TDRD6: variants seen among roughly 807,000 people sequenced by gnomAD.
TDRD6 encodes the protein tudor domain containing 6, also known as tudor domain-containing protein 6.
TDRD6 carries 186 observed loss-of-function variants against 157.5 expected under a neutral mutation model. The observed-to-expected ratio is 1.18, with a 90% CI of 1.05 to 1.33. The LOEUF (loss-of-function observed/expected upper bound fraction) is 1.33, where lower values mean the gene tolerates loss of function less well. Ranked by LOEUF, TDRD6 falls within the 40% of genes most tolerant of loss-of-function variation. The pLI, the probability that TDRD6 is intolerant of heterozygous loss-of-function variation, is 0.00. For missense variants in TDRD6, 3,066 were observed against 2,508.0 expected, an observed-to-expected ratio of 1.22 and a Z score of -4.75; for synonymous variants, 1,075 against 945.2, an observed-to-expected ratio of 1.14 and a Z score of -2.52.
In TDRD6 at chr6:46,702,932, A is replaced by G. The variant is rs1299871817; in HGVS notation, c.*1045A>G. The G allele has an allele frequency of 6.6e-6, 1 of 152,238 alleles. No homozygotes were observed. Among genetic ancestry groups the G allele is most frequent in the Non-Finnish European group, 1.5e-5 (1 of 67,952 alleles). 9.4% of individuals were successfully genotyped at this position (152,238 alleles called of 1,614,324 possible). A position where few individuals can be genotyped will look rare whatever the true frequency, so the allele number is the denominator to read the frequency against. On this transcript the variant is annotated 3_prime_UTR_variant, in exon 4 of 4. Transcript: ENST00000316081. ...TTTTAAGATGAGAAATAATTGATAT[A>G]AAGTCCCTGAAAAGGAGTAGGCATT... is the stretch of plus-strand genomic sequence containing the variant.
chr6:46,696,277 C>G (rs745677522), intron 2 of TDRD6, among the ~76,000 whole-genome samples: 4 of 151,492 alleles, frequency 2.6e-5, no homozygotes, highest in Non-Finnish European at 4.4e-5. Context: ...CATTAATAAC[C>G]TTCTATTTTG....
chr6:46,692,098 C>T lies in TDRD6; in HGVS notation c.3970C>T (p.Leu1324=). Residue 1324 remains leucine (L), a synonymous_variant, in exon 1 of 4, where the codon CTA becomes TTA. Transcript: ENST00000316081. The part of the protein sequence containing the change: ...INDLSDFYVQ[L]IEDEAEISHL... Reference sequence around the variant, plus strand: ...TGACCTTTCAGACTTTTATGTTCAACTAATAGAAGATGAAGCTGAAATTAG... The same window carrying T: ...TGACCTTTCAGACTTTTATGTTCAATTAATAGAAGATGAAGCTGAAATTAG... 6.2e-7 allele frequency: 1 copy of T among 1,613,120 alleles called. No homozygotes were observed. Among genetic ancestry groups the T allele is most frequent in the Non-Finnish European group, 8.5e-7 (1 of 1,179,546 alleles).
Position 46,702,546 on chromosome 6 carries a change from A to T in TDRD6, c.*659A>T, listed in dbSNP as rs1764649663. Reference sequence around the variant, plus strand: ...TAATATTAAATGTTAGCTCTTATGTATTAGTCACTTAGCTTATACTTTAAA... The same window carrying T: ...TAATATTAAATGTTAGCTCTTATGTTTTAGTCACTTAGCTTATACTTTAAA... On this transcript the variant is annotated 3_prime_UTR_variant, in exon 4 of 4. Transcript: ENST00000316081. 1 of 152,156 alleles carries T rather than the reference A, an allele frequency of 6.6e-6. No individual in the cohort carries two copies. The highest frequency in any genetic ancestry group is 2.1e-4 in the South Asian group (1 of 4,832). The allele number at this position is 152,156 out of a possible 1,614,324, so 9.4% of individuals were successfully genotyped here.
rs201878062 is a variant in TDRD6, at chr6:46,689,488, G to T, written c.1360G>T (p.Glu454Ter). ...AGTCCTTCAGAGCCAGGCAACAGAGGAGGAGGAACCAGAAACATCTCAGTC... is the reference window on the plus strand; with the variant it reads ...AGTCCTTCAGAGCCAGGCAACAGAGTAGGAGGAACCAGAAACATCTCAGTC... ...DRVLQSQATE[E>*]EEPETSQSQS... Residue 454 changes from glutamate (E) to a stop codon, truncating the protein, a stop_gained, in exon 1 of 4, where the codon GAG becomes TAG. Transcript: ENST00000316081. LOFTEE classifies it high-confidence loss of function. 3 of 1,613,674 alleles carry T rather than the reference G, an allele frequency of 1.9e-6. No homozygotes were observed. Among genetic ancestry groups the T allele is most frequent in the Non-Finnish European group, 2.5e-6 (3 of 1,180,042 alleles).
Position 46,691,520 on chromosome 6 carries a change from A to G in TDRD6, c.3392A>G (p.Lys1131Arg), listed in dbSNP as rs747582904. Residue 1131 changes from lysine to arginine, a missense_variant, in exon 1 of 4, where the codon AAA becomes AGA. Physicochemically the swap from Lys to Arg is conservative, Grantham distance 26. Coordinates refer to ENST00000316081, the MANE Select transcript of TDRD6 (RefSeq NM_001010870.3). ...TCATTGAAGGCTTTAGTTGTAGCAA[A>G]AGATCCAGATGGAACACTGATTATA... ...DKSLKALVVA[K>R]DPDGTLIIEL... 1 of 1,614,050 alleles carries G rather than the reference A, an allele frequency of 6.2e-7. No individual in the cohort carries two copies. Among genetic ancestry groups the G allele is most frequent in the East Asian group, 2.2e-5 (1 of 44,852 alleles).
chr6:46,691,395 A>G lies in TDRD6; in HGVS notation c.3267A>G (p.Leu1089=). Residue 1089 remains leucine (L), a synonymous_variant, in exon 1 of 4, where the codon TTA becomes TTG. Transcript: ENST00000316081. ...TACCTAGTGATGCATATGATGTCTTACTTTTGCCCATGCAAGCTGTCAGAT... is the reference window on the plus strand; with the variant it reads ...TACCTAGTGATGCATATGATGTCTTGCTTTTGCCCATGCAAGCTGTCAGAT... ...LPIPSDAYDV[L]LLPMQAVRCS... 1 of 1,614,084 alleles carries G rather than the reference A, an allele frequency of 6.2e-7. No homozygotes were observed. Among genetic ancestry groups the G allele is most frequent in the Non-Finnish European group, 8.5e-7 (1 of 1,179,956 alleles).
Position 46,701,889 on chromosome 6 carries a change from C to T in TDRD6, c.*2C>T, listed in dbSNP as rs778116005. 8.1e-6 allele frequency: 13 copies of T among 1,612,108 alleles called. No homozygotes were observed. In the African/African-American group the frequency reaches 1.1e-4, roughly 13 times the overall value. On this transcript the variant is annotated 3_prime_UTR_variant, in exon 4 of 4. Transcript: ENST00000316081. ...GGTTTGGAGGTGATGGAGATTTAAC[C>T]GTGGATCTATAGCTGTGGCCAATCA...
chr6:46,681,735 T>C, the TDRD6 span, among the ~76,000 whole-genome samples: 1 of 152,208 alleles, frequency 6.6e-6, no homozygotes, highest in Non-Finnish European at 1.5e-5. Flanking sequence ...CCTGATATAG[T>C]TCTGAGTTAA....
chr6:46,696,551 ATGTGTGTGTGTG>A (rs1213900777), intron 2 of TDRD6, among the ~76,000 whole-genome samples: 7 of 47,656 alleles, frequency 1.5e-4, no homozygotes, highest in African/African-American at 6.5e-4. Context: ...ATATGTATAT[ATGTGTGTGTGTG>A]TGTGTGTGTG....
In TDRD6 at chr6:46,693,982, C is replaced by A. The variant is rs138138658; in HGVS notation, c.5854C>A (p.Gln1952Lys). ...KSSCVESFDD[Q>K]RRMSLHLHGA... ...AAGTTGTGTAGAATCTTTTGATGAC[C>A]AGCGCAGGATGTCATTGCATCTACA... The change falls in exon 1 of 4, where the codon CAG becomes AAG. Residue 1952 changes from glutamine to lysine, a missense_variant. Physicochemically the swap from Gln to Lys is moderately conservative, Grantham distance 53 (BLOSUM62 1). Transcript: ENST00000316081. 3.3e-5 allele frequency: 54 copies of A among 1,613,538 alleles called. No individual in the cohort carries two copies. Among genetic ancestry groups the A allele is most frequent in the Non-Finnish European group, 4.4e-5 (52 of 1,179,872 alleles).
In TDRD6 at chr6:46,703,414, G is replaced by A. The variant is rs965658828; in HGVS notation, c.*1527G>A. The A allele has an allele frequency of 6.6e-6, 1 of 152,074 alleles. No individual in the cohort carries two copies. Among genetic ancestry groups the A allele is most frequent in the Non-Finnish European group, 1.5e-5 (1 of 67,956 alleles). The allele number at this position is 152,074 out of a possible 1,614,324, so 9.4% of individuals were successfully genotyped here. A position where few individuals can be genotyped will look rare whatever the true frequency, so the allele number is the denominator to read the frequency against. On this transcript the variant is annotated 3_prime_UTR_variant, in exon 4 of 4. Coordinates refer to ENST00000316081, the MANE Select transcript of TDRD6 (RefSeq NM_001010870.3). Reference sequence around the variant, plus strand: ...GATAATATAATGTGAATTGCCAGAAGCAAAGCTCAGAGAAGATGCATTAGG... The same window carrying A: ...GATAATATAATGTGAATTGCCAGAAACAAAGCTCAGAGAAGATGCATTAGG...
intron 2 of TDRD6, 71 bp from the exon 3 acceptor site, chr6:46,697,927 A>T: frequency 1.3e-6 from 1 of 798,696 alleles, no homozygotes; most frequent in African/African-American, 1.7e-5. Context: ...TTTTTAAAAT[A>T]ATTGCTCTGG....
rs1764656858 is a variant in TDRD6, at chr6:46,702,870, G to A, written c.*983G>A. ...ATATTTTGAACTTTGATCTTCATCT[G>A]TAAAGTGGTGATAATAAAACCTTTC... On this transcript the variant is annotated 3_prime_UTR_variant, in exon 4 of 4. Transcript: ENST00000316081. The A allele has an allele frequency of 6.6e-6, 1 of 152,048 alleles. No individual in the cohort carries two copies. Among genetic ancestry groups the A allele is most frequent in the African/African-American group, 2.4e-5 (1 of 41,424 alleles). The allele number at this position is 152,048 out of a possible 1,614,324, so 9.4% of individuals were successfully genotyped here. A position where few individuals can be genotyped will look rare whatever the true frequency, so the allele number is the denominator to read the frequency against.
At position 46,689,847 on chromosome 6, in the gene TDRD6, C is replaced by A; in HGVS notation, c.1719C>A (p.Gly573=). The change falls in exon 1 of 4, where the codon GGC becomes GGA. Residue 573 remains glycine, a synonymous_variant. Transcript: ENST00000316081. ...TGGATGTATTCTTAGTTGACCGAGG[C>A]AATTCGGAAAATGTGGACTGGTATG... ...KSVDVFLVDR[G]NSENVDWYDV... 6.2e-7 allele frequency: 1 copy of A among 1,614,138 alleles called. No individual in the cohort carries two copies. The highest frequency in any genetic ancestry group is 8.5e-7 in the Non-Finnish European group (1 of 1,180,036).
chr6:46,691,817 T>G lies in TDRD6; in HGVS notation c.3689T>G (p.Leu1230Ter). The change falls in exon 1 of 4, where the codon TTA becomes TGA. Residue 1230 changes from leucine (L) to a stop codon, truncating the protein, a stop_gained. Coordinates refer to ENST00000316081, the MANE Select transcript of TDRD6 (RefSeq NM_001010870.3). LOFTEE classifies it high-confidence loss of function. Reference protein sequence around the residue: ...SYKELKLLQSLTKTNLVTQYQ... With the variant: ...SYKELKLLQS ...AAGGAACTCAAACTTTTACAAAGTT[T>G]AACAAAAACAAACTTAGTCACTCAA... is the stretch of plus-strand genomic sequence containing the variant. The G allele has an allele frequency of 6.2e-7, 1 of 1,603,122 alleles. No homozygotes were observed.
chr6:46,690,599 T>G lies in TDRD6; in HGVS notation c.2471T>G (p.Leu824Trp), dbSNP rs1195687604. 6.2e-7 allele frequency: 1 copy of G among 1,614,214 alleles called. No homozygotes were observed. The highest frequency in any genetic ancestry group is 1.1e-5 in the South Asian group (1 of 91,078). The change falls in exon 1 of 4, where the codon TTG (leucine) becomes TGG (tryptophan). Residue 824 changes from leucine to tryptophan, a missense_variant. Physicochemically the swap from Leu to Trp is moderately conservative, Grantham distance 61 (BLOSUM62 -2). Transcript: ENST00000316081. ...APHQRNTLAC[L>W]AKRTVNRQWS... ...CACCAGAGAAACACCCTTGCTTGTT[T>G]GGCTAAGCGAACAGTAAACAGACAG...
chr6:46,701,765 A>G (rs992363981), intron 3 of TDRD6, 93 bp from the exon 4 acceptor site: 1 of 1,249,324 alleles, frequency 8.0e-7, no homozygotes, highest in Non-Finnish European at 1.2e-6. Context: ...CCTTTTAGAG[A>G]ACATTACATT....
At chr6:46,697,903 A>G in intron 2 of TDRD6, 95 bp from the exon 3 acceptor site, 1 of 604,640 alleles carries the variant, frequency 1.7e-6, no homozygotes, top group South Asian at 3.1e-5. Flanking sequence ...AATAATAATA[A>G]TAATAGTATT....
chr6:46,687,993 G>T lies in TDRD6; in HGVS notation c.-136G>T, dbSNP rs759233389. The stretch of plus-strand genomic sequence containing the variant: ...GGGGGAGTTGCCGAGAAAAGGCCTC[G>T]CCGGCATTCTTCCCCTCCACTGGGT... On this transcript the variant is annotated 5_prime_UTR_variant, in exon 1 of 4. Transcript: ENST00000316081. 13 of 1,316,794 alleles carry T rather than the reference G, an allele frequency of 9.9e-6. No individual in the cohort carries two copies. Among genetic ancestry groups the T allele is most frequent in the Non-Finnish European group, 1.3e-5 (13 of 1,019,314 alleles). 81.6% of individuals were successfully genotyped at this position (1,316,794 alleles called of 1,614,324 possible). A position where few individuals can be genotyped will look rare whatever the true frequency, so the allele number is the denominator to read the frequency against.
Sources: allele counts gnomAD v4.1 joint callset (sites outside exome capture counted in the v4.1 genomes callset), GRCh38; gene constraint gnomAD v4.1.1; transcripts MANE v1.5; gene names NCBI Gene and HGNC (gene_info 2026-07-23, HGNC 2026-07-21).